Variants in NALCN observed in about 807,000 individuals in gnomAD.
NALCN encodes sodium leak channel NALCN.
In NALCN, 111 loss-of-function variants were observed where a neutral mutation model predicts 225.3. That is an observed-to-expected ratio of 0.49 (90% CI 0.42 to 0.58). The LOEUF (loss-of-function observed/expected upper bound fraction) is 0.58, where lower values mean the gene tolerates loss of function less well. Among genes scored for constraint, NALCN ranks in the 20% least tolerant of loss-of-function variants. The pLI is 0.00. For missense variants in NALCN, 1,378 were observed against 2,202.4 expected (o/e 0.63, Z 7.49); for synonymous variants, 764 against 769.0 (o/e 0.99, Z 0.11).
chr13:101,276,719 A>G (rs544522756), intron 10 of NALCN, among the ~76,000 whole-genome samples: 54 of 152,272 alleles, frequency 3.5e-4, no homozygotes, highest in Non-Finnish European at 6.6e-4. Flanking sequence ...AATAGAGCCT[A>G]TTTTTTCTGT....
At position 101,258,539 on chromosome 13, in the gene NALCN, G is replaced by C; in HGVS notation, c.1170C>G (p.Ile390Met). 1 of 1,614,154 alleles carries C rather than the reference G, an allele frequency of 6.2e-7. No individual in the cohort carries two copies. The stretch of plus-strand genomic sequence containing the variant: ...TCACGTCCACGGTCACCATGCTCAG[G>C]ATGAACATGTGGAAAACGGATGACC... ...MMRSSVFHMF[I>M]LSMVTVDVIV... The change falls in exon 11 of 44, where the codon ATC (isoleucine) becomes ATG (methionine). Residue 390 changes from isoleucine (I) to methionine (M), a missense_variant. Ile to Met is a conservative substitution (Grantham distance 10). Coordinates refer to ENST00000251127, the MANE Select transcript of NALCN (RefSeq NM_052867.4).
chr13:101,328,596 C>T (rs1236876879), intron 7 of NALCN, among the ~76,000 whole-genome samples: 1 of 152,008 alleles, frequency 6.6e-6, no homozygotes, highest in Non-Finnish European at 1.5e-5. Context: ...TCCTATTTTT[C>T]CCACTTTCTA....
chr13:101,187,959 T>C (rs904480904), intron 14 of NALCN, among the ~76,000 whole-genome samples: 1 of 152,118 alleles, frequency 6.6e-6, no homozygotes, highest in Admixed American at 6.6e-5. Context: ...ATAATACAGG[T>C]GGTGGGCTGG....
chr13:101,125,926 TCAAA>T lies in NALCN; in HGVS notation c.2119-1249_2119-1246del, dbSNP rs1400932251. On this transcript the variant is annotated intron_variant, in intron 17 of 43. Transcript: ENST00000251127. The stretch of plus-strand genomic sequence containing the variant: ...GAAGCCCTACAGGGCATACTGTGTG[TCAAA>T]CAAAGTTGAGGGGGGAAAGAAAACC... Among the ~76,000 whole-genome samples the T allele has an allele frequency of 2.6e-5, 4 of 152,246 alleles. No individual in the cohort carries two copies. In the East Asian group the frequency reaches 5.8e-4, roughly 22 times the overall value.
intron 3 of NALCN, among the ~76,000 whole-genome samples, chr13:101,385,865 G>A (rs1194767050): frequency 2.0e-5 from 3 of 152,130 alleles, no homozygotes; most frequent in Non-Finnish European, 4.4e-5. Flanking sequence ...GATTCAGCAT[G>A]CATCTTCTAA....
intron 14 of NALCN, among the ~76,000 whole-genome samples, chr13:101,189,002 T>C (rs1232672269): frequency 6.6e-6 from 1 of 152,132 alleles, no homozygotes; most frequent in African/African-American, 2.4e-5. Context: ...TACTATATTT[T>C]TAATGGATGC....
At chr13:101,176,653 C>T (rs1374158670) in intron 14 of NALCN, among the ~76,000 whole-genome samples, 2 of 152,102 alleles carry the variant, frequency 1.3e-5, no homozygotes, top group Non-Finnish European at 2.9e-5. Context: ...TCAACAATCC[C>T]ACTTGTGTGA....
At chr13:101,055,533 C>T in intron 43 of NALCN, 45 bp from the exon 44 acceptor site, 1 of 1,553,762 alleles carries the variant, frequency 6.4e-7, no homozygotes, top group Non-Finnish European at 8.8e-7. Flanking sequence ...ATTGCTTCAC[C>T]CTATTGTAAT....
At chr13:101,279,085 A>G (rs1255573922) in intron 10 of NALCN, among the ~76,000 whole-genome samples, 1 of 151,652 alleles carries the variant, frequency 6.6e-6, no homozygotes, top group African/African-American at 2.4e-5. Context: ...AAGTAATGGA[A>G]TTTCCCCTGG....
chr13:101,280,543 C>T (rs1171393248), intron 10 of NALCN, among the ~76,000 whole-genome samples: 1 of 152,170 alleles, frequency 6.6e-6, no homozygotes, highest in East Asian at 1.9e-4. Context: ...AGATGGCCAC[C>T]TTGAGGCATC....
At chr13:101,080,751 T>C (rs761724619) in intron 34 of NALCN, among the ~76,000 whole-genome samples, 1 of 127,054 alleles carries the variant, frequency 7.9e-6, no homozygotes, top group African/African-American at 2.8e-5. Flanking sequence ...TATTACATAA[T>C]TAAATAATTA....
chr13:101,208,490 A>G (rs1335298927), intron 13 of NALCN, among the ~76,000 whole-genome samples: 2 of 152,242 alleles, frequency 1.3e-5, no homozygotes. Context: ...AGTATTCCCA[A>G]CTTAACTTGT....
chr13:101,403,407 C>T (rs2047531778), intron 1 of NALCN, among the ~76,000 whole-genome samples: 1 of 152,224 alleles, frequency 6.6e-6, no homozygotes, highest in South Asian at 2.1e-4. Flanking sequence ...CTTTACTCAA[C>T]TAATTCAAAC....
chr13:101,334,800 C>G (rs941615816), intron 7 of NALCN, among the ~76,000 whole-genome samples: 13 of 151,908 alleles, frequency 8.6e-5, no homozygotes, highest in South Asian at 2.1e-4. Flanking sequence ...AGACTGAAAA[C>G]CACTTAAATG....
intron 34 of NALCN, among the ~76,000 whole-genome samples, chr13:101,078,369 C>T (rs1177629799): frequency 2.0e-5 from 3 of 152,164 alleles, no homozygotes; most frequent in Non-Finnish European, 4.4e-5. Context: ...CACTCAATAC[C>T]AGTCCAGGAG....
At chr13:101,412,784 G>A (rs1594800769) in intron 1 of NALCN, among the ~76,000 whole-genome samples, 1 of 152,164 alleles carries the variant, frequency 6.6e-6, no homozygotes. Flanking sequence ...ACCTGTGGGG[G>A]TACAGATTTC....
rs768347906 is a variant in NALCN at position 101,068,666 on chromosome 13, G to T, written c.4330+29C>A. On this transcript the variant is annotated intron_variant, in intron 38 of 43. Transcript: ENST00000251127. ...TTATCTAAGTACCTGAGTTTAAAGA[G>T]TAAAAAGTATTCAACTAACATCACT... 7 of 1,551,392 alleles carry T rather than the reference G, an allele frequency of 4.5e-6. No individual in the cohort carries two copies. In the East Asian group the frequency reaches 1.7e-4, roughly 37 times the overall value.
At chr13:101,147,686 G>A (rs770963963) in intron 15 of NALCN, among the ~76,000 whole-genome samples, 2 of 152,032 alleles carry the variant, frequency 1.3e-5, no homozygotes, top group African/African-American at 2.4e-5. Context: ...CTACAGGTGC[G>A]AGCTGCCATG....
intron 11 of NALCN, 47 bp from the exon 12 acceptor site, chr13:101,237,969 T>C: frequency 6.6e-7 from 1 of 1,510,154 alleles, no homozygotes. Context: ...AACTATAATT[T>C]ATTCTAAATT....
Sources: gnomAD v4.1 joint callset for allele counts (sites outside exome capture counted in the v4.1 genomes callset) on GRCh38, gnomAD v4.1.1 for gene constraint, MANE v1.5 for transcripts, NCBI Gene and HGNC (gene_info 2026-07-23, HGNC 2026-07-21) for gene names.